The following PHF24 variants were observed in gnomAD, a reference collection of about 807,000 sequenced individuals.
PHF24 encodes PHD finger protein 24.
Under a neutral mutation model 42.6 loss-of-function variants are expected in PHF24, and 25 were observed. The ratio of observed to expected loss-of-function variants is 0.59; its 90% CI spans 0.43 to 0.82. The LOEUF (loss-of-function observed/expected upper bound fraction) is 0.82. Among genes scored for constraint, PHF24 ranks in the 40% least tolerant of loss-of-function variants. The pLI is 0.00. For missense variants in PHF24, 470 were observed against 538.1 expected, an observed-to-expected ratio of 0.87 and a Z score of 1.25; for synonymous variants, 185 against 204.8, an observed-to-expected ratio of 0.90 and a Z score of 0.83.
the PHF24 span, among the ~76,000 whole-genome samples, chr9:34,783,818 C>A: frequency 4.6e-3 from 698 of 152,204 alleles, 8 homozygotes; most frequent in African/African-American, 0.016. Context: ...AAGTGAATAG[C>A]GGTTTCTGGA....
At chr9:34,703,034 C>T in the PHF24 span, among the ~76,000 whole-genome samples, 12 of 152,162 alleles carry the variant, frequency 7.9e-5, no homozygotes, top group African/African-American at 2.9e-4. Context: ...AGACATATTT[C>T]ACAGGTAAGC....
At chr9:34,819,935 C>A in the PHF24 span, among the ~76,000 whole-genome samples, 3 of 152,060 alleles carry the variant, frequency 2.0e-5, no homozygotes, top group African/African-American at 7.2e-5. Context: ...CCTTGCAATT[C>A]TATCAGGTTT....
At chr9:34,976,193 C>T (rs751684637) in exon 4 of PHF24, 7 of 1,614,000 alleles carry the variant, frequency 4.3e-6, no homozygotes, top group Non-Finnish European at 5.9e-6. Context: ...AAATGTATAG[C>T]CTCACGGAGA....
the PHF24 span, chr9:34,892,930 C>T: frequency 2.2e-5 from 15 of 684,552 alleles, no homozygotes; most frequent in Admixed American, 1.5e-4. Context: ...CTTTGGATTT[C>T]GGGGAGCCCA....
the PHF24 span, among the ~76,000 whole-genome samples, chr9:34,812,919 CT>C: frequency 6.6e-6 from 1 of 152,320 alleles, no homozygotes; most frequent in East Asian, 1.9e-4. Context: ...TCAGAAGTTT[CT>C]TTTGCTTTAG....
the PHF24 span, among the ~76,000 whole-genome samples, chr9:34,740,593 GCCCCGGTTC>G: frequency 6.6e-6 from 1 of 152,184 alleles, no homozygotes; most frequent in Non-Finnish European, 1.5e-5. Flanking sequence ...ACCTCGCGCA[GCCCCGGTTC>G]CCGCTGGCGC....
At chr9:34,929,074 T>C in the PHF24 span, among the ~76,000 whole-genome samples, 29,969 of 152,110 alleles carry the variant, frequency 0.2, 3,082 homozygotes, top group South Asian at 0.25. Context: ...ATGTCAAACA[T>C]AGAGCTTCTC....
chr9:34,698,527 AC>A, the PHF24 span, among the ~76,000 whole-genome samples: 1 of 152,020 alleles, frequency 6.6e-6, no homozygotes, highest in South Asian at 2.1e-4. Context: ...ACGGAGTTTC[AC>A]TCTTGTTTGC....
the PHF24 span, among the ~76,000 whole-genome samples, chr9:34,828,091 CCTG>C: frequency 6.6e-6 from 1 of 152,000 alleles, no homozygotes; most frequent in Non-Finnish European, 1.5e-5. Context: ...CTCTCTACCT[CCTG>C]CTTTCTAGCT....
At chr9:34,878,345 C>T in the PHF24 span, among the ~76,000 whole-genome samples, 22 of 152,244 alleles carry the variant, frequency 1.4e-4, no homozygotes, top group South Asian at 2.1e-3. Context: ...ACTGAGGTAC[C>T]GGGTTCATCT....
chr9:34,777,453 T>C, the PHF24 span, among the ~76,000 whole-genome samples: 6 of 152,098 alleles, frequency 3.9e-5, no homozygotes, highest in Admixed American at 1.3e-4. Flanking sequence ...AGCCCCCAGA[T>C]TGTGGCTAGG....
At chr9:34,738,313 C>G in the PHF24 span, among the ~76,000 whole-genome samples, 1 of 152,066 alleles carries the variant, frequency 6.6e-6, no homozygotes, top group Non-Finnish European at 1.5e-5. Context: ...AGCAATTGGT[C>G]CCCTTTGTCA....
the PHF24 span, among the ~76,000 whole-genome samples, chr9:34,746,420 T>A: frequency 6.6e-6 from 1 of 152,120 alleles, no homozygotes. Context: ...AAACAAAAGA[T>A]TACCAAACTA....
the PHF24 span, among the ~76,000 whole-genome samples, chr9:34,710,571 G>C: frequency 6.7e-6 from 1 of 150,374 alleles, no homozygotes; most frequent in African/African-American, 2.5e-5. Context: ...GGGCTCGAGT[G>C]ATCCTCCTAC....
At chr9:34,775,395 T>C in the PHF24 span, among the ~76,000 whole-genome samples, 2 of 152,072 alleles carry the variant, frequency 1.3e-5, no homozygotes, top group South Asian at 4.1e-4. Flanking sequence ...AAGGGAGTAA[T>C]GGAGAGTGAT....
At chr9:34,930,661 A>T in the PHF24 span, among the ~76,000 whole-genome samples, 3 of 27,020 alleles carry the variant, frequency 1.1e-4, no homozygotes, top group Non-Finnish European at 4.3e-4. Context: ...GCCATTAGGG[A>T]ATTGATGTTT....
the PHF24 span, chr9:34,918,401 A>G: frequency 1.8e-6 from 1 of 549,744 alleles, no homozygotes; most frequent in Non-Finnish European, 3.3e-6. Flanking sequence ...GTGAATACCA[A>G]GGTCTTTAAA....
At chr9:34,817,240 T>C in the PHF24 span, among the ~76,000 whole-genome samples, 1 of 152,166 alleles carries the variant, frequency 6.6e-6, no homozygotes, top group Non-Finnish European at 1.5e-5. Context: ...TTTTTATCAT[T>C]TGTATTATTA....
the PHF24 span, chr9:34,723,000 C>G: frequency 3.3e-4 from 183 of 559,638 alleles, no homozygotes; most frequent in Admixed American, 4.1e-4. Flanking sequence ...TAGCCTCCCT[C>G]ACACCTTCCC....
Sources: allele counts gnomAD v4.1 joint callset (sites outside exome capture counted in the v4.1 genomes callset), GRCh38; gene constraint gnomAD v4.1.1; transcripts MANE v1.5; gene names NCBI Gene and HGNC (gene_info 2026-07-23, HGNC 2026-07-21).